The following TASP1 variants were observed in gnomAD, a reference collection of about 807,000 sequenced individuals.
TASP1 encodes the protein taspase 1, also known as threonine aspartase 1.
A neutral mutation model predicts 56.6 loss-of-function variants in TASP1; 16 were observed. The observed-to-expected ratio is 0.28, with a 90% confidence interval of 0.19 to 0.43. The LOEUF is 0.43. Among genes scored for constraint, TASP1 ranks in the 20% least tolerant of loss-of-function variants. The probability of loss-of-function intolerance (pLI) is 1.00; values close to 1 mark genes in which losing one functional copy is unlikely to be tolerated. For missense variants in TASP1, 393 were observed against 511.6 expected, an observed-to-expected ratio of 0.77 and a Z score of 2.24; for synonymous variants, 179 against 184.2, an observed-to-expected ratio of 0.97 and a Z score of 0.23.
chr20:13,243,552 G>A, the TASP1 span, among the ~76,000 whole-genome samples: 11 of 152,044 alleles, frequency 7.2e-5, no homozygotes, highest in Non-Finnish European at 1.6e-4. Context: ...TCTTATTCCT[G>A]CTTGACCTCT....
the TASP1 span, among the ~76,000 whole-genome samples, chr20:13,273,220 A>T: frequency 6.9e-6 from 1 of 145,200 alleles, no homozygotes; most frequent in Non-Finnish European, 1.5e-5. Flanking sequence ...GGTCTTTTTT[A>T]TTTTATTTTA....
At chr20:13,497,655 C>CA (rs1283355093) in intron 10 of TASP1, among the ~76,000 whole-genome samples, 1 of 151,970 alleles carries the variant, frequency 6.6e-6, no homozygotes, top group Non-Finnish European at 1.5e-5. Flanking sequence ...CATATGGAAA[C>CA]AAAAAAGAGC....
intron 11 of TASP1, among the ~76,000 whole-genome samples, chr20:13,461,520 G>A (rs1269488243): frequency 6.6e-6 from 1 of 152,098 alleles, no homozygotes. Context: ...GGATTATCTA[G>A]GCCAGGAATT....
the TASP1 span, among the ~76,000 whole-genome samples, chr20:13,204,649 C>T: frequency 3.3e-5 from 5 of 152,018 alleles, no homozygotes; most frequent in African/African-American, 4.8e-5. Context: ...AAGCAACTCT[C>T]ATGACTCAGC....
the TASP1 span, among the ~76,000 whole-genome samples, chr20:13,136,752 GGA>G: frequency 2.7e-5 from 4 of 147,340 alleles, no homozygotes; most frequent in African/African-American, 9.9e-5. Flanking sequence ...TAATATATAG[GGA>G]GAGAGGAATT....
At chr20:13,498,648 CA>C (rs2043826004) in intron 10 of TASP1, among the ~76,000 whole-genome samples, 1 of 151,374 alleles carries the variant, frequency 6.6e-6, no homozygotes, top group South Asian at 2.1e-4. Flanking sequence ...CCAGCCTGAA[CA>C]AACACTTTTC....
chr20:13,237,072 CT>C, the TASP1 span, among the ~76,000 whole-genome samples: 5 of 152,328 alleles, frequency 3.3e-5, no homozygotes, highest in Admixed American at 6.5e-5. Flanking sequence ...CCACATTTCC[CT>C]TCTGCACTGC....
intron 13 of TASP1, among the ~76,000 whole-genome samples, chr20:13,416,026 T>G (rs2042242306): frequency 6.6e-6 from 1 of 152,230 alleles, no homozygotes; most frequent in Non-Finnish European, 1.5e-5. Context: ...TTTTCATACT[T>G]ATTCATTAAA....
chr20:13,474,857 G>A (rs2044662707), intron 11 of TASP1, among the ~76,000 whole-genome samples: 1 of 151,984 alleles, frequency 6.6e-6, no homozygotes, highest in Non-Finnish European at 1.5e-5. Flanking sequence ...AACTCACTGT[G>A]GTTTTAATTT....
the TASP1 span, among the ~76,000 whole-genome samples, chr20:13,206,240 C>T: frequency 5.9e-5 from 9 of 152,278 alleles, no homozygotes; most frequent in East Asian, 1.7e-3. Context: ...ACTCACTACA[C>T]ACACTTGGTG....
intron 10 of TASP1, among the ~76,000 whole-genome samples, chr20:13,491,641 A>G (rs2043531209): frequency 1.3e-5 from 2 of 152,242 alleles, no homozygotes; most frequent in African/African-American, 4.8e-5. Context: ...CATATTGTCA[A>G]ATTAAGTTTT....
At chr20:13,383,966 G>C in the TASP1 span, among the ~76,000 whole-genome samples, 2 of 151,346 alleles carry the variant, frequency 1.3e-5, no homozygotes, top group Non-Finnish European at 2.9e-5. Context: ...AGGTGGGAAA[G>C]ACTGCTAGTT....
chr20:13,507,325 G>T (rs1481663261), intron 10 of TASP1, among the ~76,000 whole-genome samples: 1 of 152,128 alleles, frequency 6.6e-6, no homozygotes, highest in Non-Finnish European at 1.5e-5. Context: ...TTGAGTCCAG[G>T]AGTTTGAGAC....
the TASP1 span, among the ~76,000 whole-genome samples, chr20:13,264,034 A>C: frequency 1.3e-5 from 2 of 152,190 alleles, no homozygotes; most frequent in African/African-American, 4.8e-5. Flanking sequence ...CCTGAGCCTA[A>C]TTAAAATAAA....
At chr20:13,262,077 G>T in the TASP1 span, among the ~76,000 whole-genome samples, 23 of 152,116 alleles carry the variant, frequency 1.5e-4, no homozygotes, top group African/African-American at 5.1e-4. Flanking sequence ...CTTCAAATTG[G>T]GTCCTGGAAA....
chr20:13,402,478 A>C (rs1236363331), intron 13 of TASP1, among the ~76,000 whole-genome samples: 1 of 152,238 alleles, frequency 6.6e-6, no homozygotes, highest in Non-Finnish European at 1.5e-5. Context: ...AAGTAAAATC[A>C]GTGATTAGCC....
At chr20:13,481,012 T>C (rs1207399839) in intron 11 of TASP1, among the ~76,000 whole-genome samples, 1 of 151,988 alleles carries the variant, frequency 6.6e-6, no homozygotes, top group Non-Finnish European at 1.5e-5. Flanking sequence ...TTATTGGCCA[T>C]AGTCACCCTG....
At chr20:13,463,377 A>G (rs1233671827) in intron 11 of TASP1, among the ~76,000 whole-genome samples, 1 of 152,138 alleles carries the variant, frequency 6.6e-6, no homozygotes, top group East Asian at 1.9e-4. Context: ...ATAATGAATC[A>G]AAGATCTAAA....
intron 9 of TASP1, among the ~76,000 whole-genome samples, chr20:13,531,502 CT>C: frequency 1.1e-5 from 1 of 93,206 alleles, no homozygotes; most frequent in East Asian, 3.3e-4. Flanking sequence ...TTTTTTTTTT[CT>C]TTTTTTTGAG....
Sources: gnomAD v4.1 joint callset for allele counts (sites outside exome capture counted in the v4.1 genomes callset) on GRCh38, gnomAD v4.1.1 for gene constraint, MANE v1.5 for transcripts, NCBI Gene and HGNC (gene_info 2026-07-23, HGNC 2026-07-21) for gene names.